Variants in COL20A1 observed in about 807,000 individuals in gnomAD.
The protein encoded by COL20A1 is collagen alpha-1(XX) chain.
COL20A1 carries 164 observed loss-of-function variants against 152.9 expected under a neutral mutation model. That is an observed-to-expected ratio of 1.07 (90% CI 0.94 to 1.22). COL20A1 has a LOEUF of 1.22. COL20A1 is among the 50% of genes most tolerant of loss of function. The pLI, the probability that COL20A1 is intolerant of heterozygous loss-of-function variation, is 0.00. For synonymous variants in COL20A1, 864 were observed against 756.0 expected, an observed-to-expected ratio of 1.14 and a Z score of -2.34; for missense variants, 1,873 against 1,744.8, an observed-to-expected ratio of 1.07 and a Z score of -1.31.
chr20:63,329,398 C>A, intron 34 of COL20A1, 187 bp from the exon 35 acceptor site: 1 of 560,280 alleles, frequency 1.8e-6, no homozygotes, highest in East Asian at 2.9e-5. Flanking sequence ...TGTCATGGAG[C>A]CCAGGAGGCG....
rs1201354424 is a variant in COL20A1, at chr20:63,330,530, C to T, written c.*4-190C>T. On this transcript the variant is annotated intron_variant, in intron 35 of 35. Coordinates refer to ENST00000358894, the MANE Select transcript of COL20A1 (RefSeq NM_020882.4). ...ACCCGTCAGAGAATGACCCCACCCA[C>T]GGCCCTGCCCGCAATCCTGCCCACT... is the stretch of plus-strand genomic sequence containing the variant. Among the ~76,000 whole-genome samples, 8 of 152,286 alleles carry T rather than the reference C, an allele frequency of 5.3e-5. No individual in the cohort carries two copies. The South Asian group carries it at 1.2e-3, about 24-fold the overall frequency.
At chr20:63,329,997 C>T (rs1191398164) in intron 35 of COL20A1, among the ~76,000 whole-genome samples, 1 of 152,056 alleles carries the variant, frequency 6.6e-6, no homozygotes, top group Non-Finnish European at 1.5e-5. Context: ...CCAGGGTTAG[C>T]GCAGCAGGGA....
In COL20A1 at chr20:63,298,367, C is replaced by T. The variant is rs371291933; in HGVS notation, c.193+347C>T. ...GTGCAGTGGTGCGATCACAGCTCCC[C>T]GCAGCCTCAATCTCCCGAGCTCAGG... On this transcript the variant is annotated intron_variant, in intron 3 of 35. Coordinates refer to ENST00000358894, the MANE Select transcript of COL20A1 (RefSeq NM_020882.4). Among the ~76,000 whole-genome samples the T allele has an allele frequency of 2.2e-4, 34 of 152,226 alleles. 1 individual carries two copies. In the South Asian group the frequency reaches 5.4e-3, roughly 24 times the overall value.
chr20:63,307,571 GTCACT>G lies in COL20A1; in HGVS notation c.581_585del (p.His194ProfsTer15). The G allele has an allele frequency of 6.2e-7, 1 of 1,612,696 alleles. No homozygotes were observed. Among genetic ancestry groups the G allele is most frequent in the Non-Finnish European group, 8.5e-7 (1 of 1,179,736 alleles). ...GACGGGTCCTGGAGCATTGGCCACAGTCACTTCCAGCAGGTCAAGGACTTCCTGGC... is the reference window on the plus strand; with the variant it reads ...GACGGGTCCTGGAGCATTGGCCACAGTCCAGCAGGTCAAGGACTTCCTGGC... On this transcript the variant is annotated frameshift_variant, in exon 6 of 36. Transcript: ENST00000358894. LOFTEE classifies it high-confidence loss of function.
At position 63,313,294 on chromosome 20, in the gene COL20A1, TG is replaced by T; in HGVS notation, c.2209+47del. On this transcript the variant is annotated intron_variant, in intron 17 of 35. Coordinates refer to ENST00000358894, the MANE Select transcript of COL20A1 (RefSeq NM_020882.4). The surrounding 1 kb of genome is among the most constrained non-coding windows in gnomAD (Gnocchi z 5.9). Reference sequence around the variant, plus strand: ...CCCTCTGCTGGGTGTGGGGCAGGGATGGCCCAGGGGATCCCTGACTCACCCG... The same window carrying T: ...CCCTCTGCTGGGTGTGGGGCAGGGATGCCCAGGGGATCCCTGACTCACCCG... The T allele has an allele frequency of 6.3e-7, 1 of 1,575,396 alleles. No individual in the cohort carries two copies. Among genetic ancestry groups the T allele is most frequent in the Non-Finnish European group, 8.6e-7 (1 of 1,157,262 alleles).
chr20:63,323,547 C>T (rs1049068502), intron 27 of COL20A1, among the ~76,000 whole-genome samples: 3 of 152,176 alleles, frequency 2.0e-5, no homozygotes, highest in African/African-American at 7.2e-5. Flanking sequence ...GGACAGAGGA[C>T]GGGGAGGACT....
At position 63,313,353 on chromosome 20, in the gene COL20A1, C is replaced by T; in HGVS notation, c.2209+104C>T. ...GGCCCAGGACCCTAGACTCCCAGAA[C>T]TGCTGGCTCCAGAGCCCTGATCACT... On this transcript the variant is annotated intron_variant, in intron 17 of 35. Transcript: ENST00000358894. This position sits in a 1 kb window ranked among gnomAD's most constrained non-coding sequence, Gnocchi z 5.9. 1 of 1,278,796 alleles carries T rather than the reference C, an allele frequency of 7.8e-7. No homozygotes were observed. Among genetic ancestry groups the T allele is most frequent in the African/African-American group, 1.5e-5 (1 of 67,286 alleles). The allele number at this position is 1,278,796 out of a possible 1,614,324, so 79.2% of individuals were successfully genotyped here.
chr20:63,308,229 G>A (rs1056701667), intron 7 of COL20A1, 139 bp downstream of exon 7: 2 of 1,047,576 alleles, frequency 1.9e-6, no homozygotes, highest in Non-Finnish European at 2.7e-6. Context: ...ATAGAGGGCA[G>A]AGTCACCCCC....
At position 63,320,155 on chromosome 20, in the gene COL20A1, G is replaced by A. The variant is rs1292735209; in HGVS notation, c.3033G>A (p.Gly1011=). 1 of 1,554,684 alleles carries A rather than the reference G, an allele frequency of 6.4e-7. No homozygotes were observed. Among genetic ancestry groups the A allele is most frequent in the South Asian group, 1.2e-5 (1 of 85,696 alleles). Residue 1011 remains glycine (G), a synonymous_variant, in exon 24 of 36, where the codon GGG becomes GGA. Coordinates refer to ENST00000358894, the MANE Select transcript of COL20A1 (RefSeq NM_020882.4). The part of the protein sequence containing the change: ...SPPAAGFVTL[G]RLAKARGPRS... ...CCGCTGCGGGCTTCGTCACGCTGGG[G>A]AGGCTGGCCAAGGCCAGGGGCCCCC...
chr20:63,295,263 C>A, intron 2 of COL20A1, 74 bp downstream of exon 2: 1 of 945,210 alleles, frequency 1.1e-6, no homozygotes, highest in Non-Finnish European at 1.6e-6. Flanking sequence ...GCGGGACGAG[C>A]CCTCCGCCCC....
chr20:63,314,292 C>G, intron 19 of COL20A1, 91 bp downstream of exon 19: 1 of 1,198,754 alleles, frequency 8.3e-7, no homozygotes, highest in Non-Finnish European at 1.2e-6. Flanking sequence ...CTCATCCAAC[C>G]CCAGACCCAG....
intron 21 of COL20A1, among the ~76,000 whole-genome samples, chr20:63,317,628 G>A (rs958421917): frequency 9.2e-5 from 14 of 152,128 alleles, no homozygotes; most frequent in Non-Finnish European, 1.6e-4. Flanking sequence ...GCCGGCCCAT[G>A]TGCTATGCTC....
chr20:63,298,613 T>C (rs1029497018), intron 3 of COL20A1, among the ~76,000 whole-genome samples: 62 of 152,076 alleles, frequency 4.1e-4, no homozygotes, highest in Non-Finnish European at 4.0e-4. Flanking sequence ...AACGACTCCC[T>C]CCTCAGAACG....
In COL20A1 at chr20:63,306,486, C is replaced by T. The variant is rs1216706133; in HGVS notation, c.496+447C>T. Among the ~76,000 whole-genome samples the T allele has an allele frequency of 6.6e-6, 1 of 152,236 alleles. No homozygotes were observed. Among genetic ancestry groups the T allele is most frequent in the Non-Finnish European group, 1.5e-5 (1 of 68,040 alleles). ...CTACCTCTGACCCCTTTGGGAACCTCCAGCCTGGGTCTAGGGGGTGGTGAG... is the reference window on the plus strand; with the variant it reads ...CTACCTCTGACCCCTTTGGGAACCTTCAGCCTGGGTCTAGGGGGTGGTGAG... On this transcript the variant is annotated intron_variant, in intron 5 of 35. Coordinates refer to ENST00000358894, the MANE Select transcript of COL20A1 (RefSeq NM_020882.4). This position sits in a 1 kb window ranked among gnomAD's most constrained non-coding sequence, Gnocchi z 6.9.
chr20:63,308,418 T>C, intron 7 of COL20A1, 124 bp from the exon 8 acceptor site: 1 of 994,416 alleles, frequency 1.0e-6, no homozygotes, highest in Non-Finnish European at 1.4e-6. Flanking sequence ...CTTGGGCTGC[T>C]GCGGGGCCTC....
At chr20:63,314,817 G>A (rs918497388) in intron 19 of COL20A1, among the ~76,000 whole-genome samples, 7 of 147,198 alleles carry the variant, frequency 4.8e-5, no homozygotes, top group African/African-American at 1.3e-4. Context: ...CCCAGGACAC[G>A]CGTGCCCCCA....
At position 63,310,513 on chromosome 20, in the gene COL20A1, A is replaced by G. The variant is rs2067991860; in HGVS notation, c.1393+3A>G. The G allele has an allele frequency of 6.3e-7, 1 of 1,589,606 alleles. No homozygotes were observed. Among genetic ancestry groups the G allele is most frequent in the Non-Finnish European group, 8.6e-7 (1 of 1,168,380 alleles). ...CCTGCGGGGCCTGGTGACCACAGGT[A>G]GGTGGGGCAGAGGCAGCGGCCAGGT... On this transcript the variant is annotated splice_donor_region_variant and intron_variant, in intron 11 of 35. Coordinates refer to ENST00000358894, the MANE Select transcript of COL20A1 (RefSeq NM_020882.4).
intron 2 of COL20A1, among the ~76,000 whole-genome samples, chr20:63,296,329 G>T (rs1371780512): frequency 6.6e-6 from 1 of 152,266 alleles, no homozygotes; most frequent in Non-Finnish European, 1.5e-5. Context: ...GAAACAACTT[G>T]AGTTTAGGCG....
intron 29 of COL20A1, 145 bp downstream of exon 29, chr20:63,325,866 A>G (rs4809535): frequency 0.058 from 47,642 of 823,520 alleles, 1,752 homozygotes; most frequent in South Asian, 0.093. Flanking sequence ...CACCCCCTTC[A>G]GCCTGTGGCC....
Sources: allele counts gnomAD v4.1 joint callset (sites outside exome capture counted in the v4.1 genomes callset), GRCh38; gene constraint gnomAD v4.1.1; non-coding constraint Gnocchi (gnomAD v3.1); transcripts MANE v1.5; gene names NCBI Gene and HGNC (gene_info 2026-07-23, HGNC 2026-07-21).